Variants in WASF3 observed in about 807,000 individuals in gnomAD.
WASF3 encodes actin-binding protein WASF3.
Under a neutral mutation model 46.6 loss-of-function variants are expected in WASF3, and 11 were observed. That is an observed-to-expected ratio of 0.24 (90% CI 0.15 to 0.39). WASF3 has a LOEUF of 0.39. Among genes scored for constraint, WASF3 ranks in the 10% least tolerant of loss-of-function variants. WASF3 has a pLI of 1.00. For missense variants in WASF3, 576 were observed against 669.8 expected (o/e 0.86, Z 1.55); for synonymous variants, 242 against 259.7 (o/e 0.93, Z 0.65).
chr13:26,644,550 C>G (rs545940190), intron 3 of WASF3, among the ~76,000 whole-genome samples: 1 of 152,090 alleles, frequency 6.6e-6, no homozygotes, highest in African/African-American at 2.4e-5. Flanking sequence ...AGGAATCACC[C>G]GAGAGATTGT....
In WASF3 at chr13:26,670,031, A is replaced by T. The variant is rs188819592; in HGVS notation, c.423-1841A>T. ...GTATATACCCAAAGGATTATAAATC[A>T]TCCTACTATAAAGACACATGCACAC... On this transcript the variant is annotated intron_variant, in intron 5 of 9. Transcript: ENST00000335327. Among the ~76,000 whole-genome samples, 337 of 152,356 alleles carry T rather than the reference A, an allele frequency of 2.2e-3. 2 individuals carry two copies. The highest frequency in any genetic ancestry group is 7.9e-3 in the African/African-American group (327 of 41,578).
chr13:26,584,243 AC>A (rs1219706588), intron 1 of WASF3, among the ~76,000 whole-genome samples: 1 of 152,194 alleles, frequency 6.6e-6, no homozygotes, highest in African/African-American at 2.4e-5. Flanking sequence ...TTGCTGGATG[AC>A]TAGTGGTTTC....
chr13:26,631,793 C>T (rs1881659409), intron 2 of WASF3, among the ~76,000 whole-genome samples: 1 of 152,176 alleles, frequency 6.6e-6, no homozygotes, highest in African/African-American at 2.4e-5. Context: ...ATTGATTCTT[C>T]CTATCCATGA....
chr13:26,575,003 A>AT (rs1215557000), intron 1 of WASF3, among the ~76,000 whole-genome samples: 39 of 151,796 alleles, frequency 2.6e-4, no homozygotes, highest in Admixed American at 2.5e-3. Context: ...CGCCCGGCTA[A>AT]TTTTTTGTAT....
At chr13:26,610,195 CT>C (rs1880928083) in intron 1 of WASF3, among the ~76,000 whole-genome samples, 1 of 152,184 alleles carries the variant, frequency 6.6e-6, no homozygotes, top group African/African-American at 2.4e-5. Flanking sequence ...GATTTGTTCC[CT>C]TTAAAGAATC....
chr13:26,629,467 A>G (rs912171963), intron 2 of WASF3, among the ~76,000 whole-genome samples: 1 of 152,176 alleles, frequency 6.6e-6, no homozygotes, highest in Non-Finnish European at 1.5e-5. Flanking sequence ...ACCTGCTGGG[A>G]AGATTTTCCT....
intron 1 of WASF3, among the ~76,000 whole-genome samples, chr13:26,612,496 A>C (rs1313922972): frequency 1.3e-5 from 2 of 152,228 alleles, no homozygotes; most frequent in African/African-American, 4.8e-5. Context: ...TACTATTAGA[A>C]TATTTATAAA....
At chr13:26,680,907 G>A (rs1008713074) in intron 7 of WASF3, 147 bp from the exon 8 acceptor site, 59 of 941,376 alleles carry the variant, frequency 6.3e-5, no homozygotes, top group South Asian at 6.1e-4. Context: ...AATCTCTCAC[G>A]GGGCTATACC....
At chr13:26,612,105 G>A (rs9507747) in intron 1 of WASF3, among the ~76,000 whole-genome samples, 78,698 of 151,964 alleles carry the variant, frequency 0.52, 20,597 homozygotes, top group East Asian at 0.62. Flanking sequence ...GCTTTCTTGC[G>A]TCTACCTTGT....
chr13:26,656,442 T>G (rs1277242375), intron 3 of WASF3, among the ~76,000 whole-genome samples: 2 of 152,162 alleles, frequency 1.3e-5, no homozygotes, highest in Non-Finnish European at 2.9e-5. Context: ...CCAAAATAAT[T>G]GTCACTCAGT....
rs1351210834 is a variant in WASF3, at chr13:26,682,214, AG to A, written c.984-392del. 6.6e-6 allele frequency among the ~76,000 whole-genome samples: 1 copy of A among 152,234 alleles called. No homozygotes were observed. Among genetic ancestry groups the A allele is most frequent in the Non-Finnish European group, 1.5e-5 (1 of 68,038 alleles). On this transcript the variant is annotated intron_variant, in intron 8 of 9. Transcript: ENST00000335327. The surrounding 1 kb of genome is among the most constrained non-coding windows in gnomAD (Gnocchi z 4.4). ...TCCACGGAGGTGGGTTAGAGAATGT[AG>A]AAAGCTCCCAATCTGGTTGACCTTA...
rs140641380 is a variant in WASF3, at chr13:26,666,665, C to T, written c.269-852C>T. 7.4e-3 allele frequency among the ~76,000 whole-genome samples: 1,118 copies of T among 152,064 alleles called. 11 individuals are homozygous for T. The highest frequency in any genetic ancestry group is 0.026 in the African/African-American group (1,071 of 41,510). Reference sequence around the variant, plus strand: ...CTGTAATCCCAGCACTTCGGGAGGCCGAGGCAGGCGGATCATGAGGTCAGG... The same window carrying T: ...CTGTAATCCCAGCACTTCGGGAGGCTGAGGCAGGCGGATCATGAGGTCAGG... On this transcript the variant is annotated intron_variant, in intron 4 of 9. Coordinates refer to ENST00000335327, the MANE Select transcript of WASF3 (RefSeq NM_006646.6).
At chr13:26,564,725 T>C (rs1879404463) in intron 1 of WASF3, among the ~76,000 whole-genome samples, 1 of 152,218 alleles carries the variant, frequency 6.6e-6, no homozygotes, top group South Asian at 2.1e-4. Flanking sequence ...ACGTAGTAGA[T>C]ACTCAACAAG....
At chr13:26,540,524 C>T in the WASF3 span, among the ~76,000 whole-genome samples, 1 of 152,222 alleles carries the variant, frequency 6.6e-6, no homozygotes, top group Non-Finnish European at 1.5e-5. Flanking sequence ...GTCCACCCCT[C>T]CCATATACCA....
the WASF3 span, among the ~76,000 whole-genome samples, chr13:26,545,819 G>A: frequency 3.3e-5 from 5 of 152,104 alleles, no homozygotes; most frequent in African/African-American, 7.2e-5. Flanking sequence ...GCCCAAGTTC[G>A]TCTCAAATTC....
chr13:26,673,795 A>G (rs1035370641), intron 6 of WASF3, among the ~76,000 whole-genome samples: 8 of 152,196 alleles, frequency 5.3e-5, no homozygotes, highest in Non-Finnish European at 1.5e-5. Context: ...CACTGTTGGT[A>G]AGTTTAGTGA....
the WASF3 span, among the ~76,000 whole-genome samples, chr13:26,548,650 A>G: frequency 1.3e-5 from 2 of 152,182 alleles, no homozygotes; most frequent in Non-Finnish European, 2.9e-5. Context: ...CTTGTGGTCT[A>G]TGCAATCACG....
At position 26,669,890 on chromosome 13, in the gene WASF3, G is replaced by A. The variant is rs189802789; in HGVS notation, c.423-1982G>A. Among the ~76,000 whole-genome samples the A allele has an allele frequency of 9.8e-5, 15 of 152,294 alleles. 1 individual carries two copies. The highest frequency in any genetic ancestry group is 3.3e-4 in the Admixed American group (5 of 15,300). On this transcript the variant is annotated intron_variant, in intron 5 of 9. Transcript: ENST00000335327. ...GGAGAGGATGTGGAGAAATAGGAAC[G>A]CTTTTATACTGTTGGTGGGAGTGTA...
At chr13:26,591,225 C>T (rs749585302) in intron 1 of WASF3, among the ~76,000 whole-genome samples, 1 of 151,638 alleles carries the variant, frequency 6.6e-6, no homozygotes, top group African/African-American at 2.4e-5. Context: ...CTTAGGTCAT[C>T]GTAAAGGTTT....
Sources: allele counts gnomAD v4.1 joint callset (sites outside exome capture counted in the v4.1 genomes callset), GRCh38; gene constraint gnomAD v4.1.1; non-coding constraint Gnocchi (gnomAD v3.1); transcripts MANE v1.5; gene names NCBI Gene and HGNC (gene_info 2026-07-23, HGNC 2026-07-21).